Variants in CCNYL1 observed in about 807,000 individuals in gnomAD.
CCNYL1 encodes the protein cyclin Y like 1.
CCNYL1 carries 16 observed loss-of-function variants against 44.2 expected under a neutral mutation model. The ratio of observed to expected loss-of-function variants is 0.36; its 90% CI spans 0.25 to 0.55. The LOEUF (loss-of-function observed/expected upper bound fraction) is 0.55. Ranked by LOEUF, CCNYL1 falls within the 20% of genes least tolerant of loss-of-function variation. The pLI, the probability that CCNYL1 is intolerant of heterozygous loss-of-function variation, is 0.85. For missense variants in CCNYL1, 348 were observed against 451.8 expected (o/e 0.77, Z 2.08); for synonymous variants, 159 against 163.2 (o/e 0.97, Z 0.20).
chr2:207,722,209 A>G (rs968903334), intron 1 of CCNYL1, among the ~76,000 whole-genome samples: 3 of 151,318 alleles, frequency 2.0e-5, no homozygotes, highest in Non-Finnish European at 4.4e-5. Context: ...AGTAGCTGGG[A>G]CTAGAGGTGC....
chr2:207,734,168 G>A (rs761513575), intron 4 of CCNYL1, 121 bp downstream of exon 4: 30 of 588,956 alleles, frequency 5.1e-5, no homozygotes, highest in Non-Finnish European at 7.1e-5. Context: ...TTAAGAAATC[G>A]GTGTCAACTA....
intron 7 of CCNYL1, among the ~76,000 whole-genome samples, chr2:207,745,129 G>A (rs1415801523): frequency 1.3e-5 from 2 of 152,104 alleles, no homozygotes; most frequent in African/African-American, 4.8e-5. Flanking sequence ...GATGGGAGAT[G>A]AGAAGCTGAC....
rs1444381796 is a variant in CCNYL1, at chr2:207,726,745, T to C, written c.296-97T>C. Reference sequence around the variant, plus strand: ...GGAAATTATTTTTTAAATGGAATTTTATCTCATTTTGTATATTGTTAATCA... The same window carrying C: ...GGAAATTATTTTTTAAATGGAATTTCATCTCATTTTGTATATTGTTAATCA... On this transcript the variant is annotated intron_variant, in intron 2 of 9. Transcript: ENST00000295414. 6.7e-6 allele frequency: 5 copies of C among 743,184 alleles called. No homozygotes were observed. The African/African-American group carries it at 7.4e-5, about 11-fold the overall frequency. 46.0% of individuals were successfully genotyped at this position (743,184 alleles called of 1,614,324 possible). A position where few individuals can be genotyped will look rare whatever the true frequency, so the allele number is the denominator to read the frequency against.
At chr2:207,713,150 A>AT (rs2091566345) in intron 1 of CCNYL1, among the ~76,000 whole-genome samples, 1 of 152,170 alleles carries the variant, frequency 6.6e-6, no homozygotes, top group African/African-American at 2.4e-5. Flanking sequence ...CGGAGTTCTG[A>AT]TTACTTTAAA....
intron 5 of CCNYL1, among the ~76,000 whole-genome samples, chr2:207,738,521 A>G (rs2091782650): frequency 6.6e-6 from 1 of 151,146 alleles, no homozygotes; most frequent in African/African-American, 2.4e-5. Flanking sequence ...ATACCCGGCC[A>G]GTATTCTTTA....
rs2091913617 is a variant in CCNYL1 at position 207,754,012 on chromosome 2, T to G, written c.*314T>G. 9.0e-6 allele frequency: 2 copies of G among 221,564 alleles called. No homozygotes were observed. The allele number at this position is 221,564 out of a possible 1,614,324, so 13.7% of individuals were successfully genotyped here. A position where few individuals can be genotyped will look rare whatever the true frequency, so the allele number is the denominator to read the frequency against. On this transcript the variant is annotated 3_prime_UTR_variant, in exon 10 of 10. Transcript: ENST00000295414. ...ATAGCTGTGAACTATGTAAGGTTTT[T>G]TAAACAATAGTTTAAATTTTTAGAC...
intron 3 of CCNYL1, among the ~76,000 whole-genome samples, chr2:207,732,499 T>A (rs1320273844): frequency 6.6e-6 from 1 of 152,224 alleles, no homozygotes; most frequent in Non-Finnish European, 1.5e-5. Flanking sequence ...CCCTGCCCTG[T>A]CTTTCATGTA....
At chr2:207,718,647 C>T (rs1446776295) in intron 1 of CCNYL1, among the ~76,000 whole-genome samples, 2 of 152,188 alleles carry the variant, frequency 1.3e-5, no homozygotes, top group Non-Finnish European at 2.9e-5. Context: ...TGTGATTTCT[C>T]TTCTGTTGGG....
intron 8 of CCNYL1, among the ~76,000 whole-genome samples, chr2:207,748,500 C>T (rs1173456660): frequency 6.6e-6 from 1 of 152,126 alleles, no homozygotes; most frequent in Non-Finnish European, 1.5e-5. Context: ...GCAGGCTGAG[C>T]CAGGGAGGCA....
At chr2:207,742,490 C>T (rs1362796478) in intron 7 of CCNYL1, 148 bp downstream of exon 7, 4 of 727,054 alleles carry the variant, frequency 5.5e-6, no homozygotes, top group African/African-American at 3.5e-5. Flanking sequence ...CGTACATTCG[C>T]GTTTAATCAT....
chr2:207,726,358 C>G lies in CCNYL1; in HGVS notation c.296-484C>G, dbSNP rs148991306. ...ACCCGTTTATTTTTTCAGTAACATACTAGTAGATGACCAGTAAGTGGTTCA... is the reference window on the plus strand; with the variant it reads ...ACCCGTTTATTTTTTCAGTAACATAGTAGTAGATGACCAGTAAGTGGTTCA... On this transcript the variant is annotated intron_variant, in intron 2 of 9. Transcript: ENST00000295414. Among the ~76,000 whole-genome samples the G allele has an allele frequency of 3.0e-3, 452 of 152,246 alleles. 1 individual carries two copies. The highest frequency in any genetic ancestry group is 9.8e-3 in the African/African-American group (406 of 41,540).
intron 3 of CCNYL1, among the ~76,000 whole-genome samples, chr2:207,727,952 T>TTC (rs531831288): frequency 4.0e-5 from 6 of 151,748 alleles, no homozygotes; most frequent in African/African-American, 9.7e-5. Context: ...CCCTATTTCT[T>TTC]TCTCTCTCTC....
In CCNYL1 at chr2:207,740,435, G is replaced by A. The variant is rs535599214; in HGVS notation, c.468-220G>A. Among the ~76,000 whole-genome samples, 5 of 152,282 alleles carry A rather than the reference G, an allele frequency of 3.3e-5. No homozygotes were observed. The South Asian group carries it at 1.0e-3, about 32-fold the overall frequency. ...AAGGCAATTCTGAATCGTCATTGTA[G>A]AAAAGACCTCACAGTACAGAACCTC... On this transcript the variant is annotated intron_variant, in intron 5 of 9. Coordinates refer to ENST00000295414, the MANE Select transcript of CCNYL1 (RefSeq NM_001330218.2).
chr2:207,717,307 G>A (rs964542217), intron 1 of CCNYL1, among the ~76,000 whole-genome samples: 7 of 152,110 alleles, frequency 4.6e-5, no homozygotes, highest in African/African-American at 1.7e-4. Context: ...AAGAGAGAAT[G>A]TTAGAAGAAA....
Position 207,719,971 on chromosome 2 carries a change from C to T in CCNYL1, c.221-4829C>T, listed in dbSNP as rs955255407. 3.3e-5 allele frequency among the ~76,000 whole-genome samples: 5 copies of T among 151,812 alleles called. No individual in the cohort carries two copies. The South Asian group carries it at 6.2e-4, about 19-fold the overall frequency. On this transcript the variant is annotated intron_variant, in intron 1 of 9. Coordinates refer to ENST00000295414, the MANE Select transcript of CCNYL1 (RefSeq NM_001330218.2). ...TTGGGAGGCTGAGGTGGGTGGATCA[C>T]GAGGTCAGGAGATGGAGACCATCCT...
intron 1 of CCNYL1, 79 bp downstream of exon 1, chr2:207,712,195 C>A: frequency 8.0e-7 from 1 of 1,248,942 alleles, no homozygotes; most frequent in Non-Finnish European, 1.1e-6. Context: ...GGGAGGCATC[C>A]GCCGCCTCGG....
chr2:207,729,816 A>G (rs978916307), intron 3 of CCNYL1, among the ~76,000 whole-genome samples: 1 of 151,828 alleles, frequency 6.6e-6, no homozygotes, highest in Non-Finnish European at 1.5e-5. Flanking sequence ...CCCGAGTTCA[A>G]GTGATTCTTG....
intron 1 of CCNYL1, among the ~76,000 whole-genome samples, chr2:207,721,686 A>G (rs2091640861): frequency 6.6e-6 from 1 of 152,100 alleles, no homozygotes; most frequent in South Asian, 2.1e-4. Flanking sequence ...CCTAACCATG[A>G]TATCAAAAAC....
intron 9 of CCNYL1, among the ~76,000 whole-genome samples, chr2:207,751,975 C>A (rs1407664638): frequency 1.3e-5 from 2 of 151,604 alleles, no homozygotes; most frequent in East Asian, 3.9e-4. Flanking sequence ...GCGGAGGTTG[C>A]AGTGAGCCAA....
Sources: gnomAD v4.1 joint callset for allele counts (sites outside exome capture counted in the v4.1 genomes callset) on GRCh38, gnomAD v4.1.1 for gene constraint, MANE v1.5 for transcripts, NCBI Gene and HGNC (gene_info 2026-07-23, HGNC 2026-07-21) for gene names.